The following BCAR3 variants were observed in gnomAD, a reference collection of about 807,000 sequenced individuals.
BCAR3 encodes the protein breast cancer anti-estrogen resistance protein 3.
BCAR3 carries 37 observed loss-of-function variants against 80.1 expected under a neutral mutation model. The observed-to-expected ratio is 0.46, with a 90% CI of 0.36 to 0.61. The LOEUF (loss-of-function observed/expected upper bound fraction) is 0.61. Among genes scored for constraint, BCAR3 ranks in the 20% least tolerant of loss-of-function variants. The pLI, the probability that BCAR3 is intolerant of heterozygous loss-of-function variation, is 0.00. For missense variants in BCAR3, 978 were observed against 1,068.2 expected (o/e 0.92, Z 1.18); for synonymous variants, 389 against 418.9 (o/e 0.93, Z 0.87).
At chr1:93,652,820 C>T (rs766449247) in intron 2 of BCAR3, among the ~76,000 whole-genome samples, 72 of 152,206 alleles carry the variant, frequency 4.7e-4, no homozygotes, top group Non-Finnish European at 6.2e-4. Flanking sequence ...TGGACTCCCT[C>T]ATTATTTTGC....
intron 3 of BCAR3, among the ~76,000 whole-genome samples, chr1:93,641,578 T>C (rs774634940): frequency 5.9e-5 from 9 of 152,222 alleles, no homozygotes; most frequent in Non-Finnish European, 1.3e-4. Context: ...AGGGAAGAAG[T>C]GAAAAGCATC....
rs143001272 is a variant in BCAR3, at chr1:93,610,624, G to A, written c.358-18231C>T. On this transcript the variant is annotated intron_variant, in intron 3 of 11. Coordinates refer to ENST00000260502, the MANE Select transcript of BCAR3 (RefSeq NM_003567.4). ...TACACAATATCATCTTATTTTAGGCGTCAATTGTCTTAATATAGTACAGTA... is the reference window on the plus strand; with the variant it reads ...TACACAATATCATCTTATTTTAGGCATCAATTGTCTTAATATAGTACAGTA... 1.1e-4 allele frequency among the ~76,000 whole-genome samples: 16 copies of A among 152,212 alleles called. No individual in the cohort carries two copies. In the East Asian group the frequency reaches 1.3e-3, roughly 13 times the overall value.
chr1:93,618,924 GTTTT>G (rs796584340), intron 3 of BCAR3, among the ~76,000 whole-genome samples: 2 of 136,034 alleles, frequency 1.5e-5, no homozygotes, highest in African/African-American at 2.7e-5. Context: ...GAAGCCGTGG[GTTTT>G]TTTTTTTTTT....
chr1:93,715,152 T>TTGTTCTTCCCCCCTGC (rs1553167457), intron 2 of BCAR3, among the ~76,000 whole-genome samples: 2 of 152,240 alleles, frequency 1.3e-5, no homozygotes, highest in Non-Finnish European at 2.9e-5. Flanking sequence ...GAACACCTCC[T>TTGTTCTTCCCCCCTGC]TGTTCTTCCC....
At chr1:93,729,635 T>C (rs1324432953) in intron 2 of BCAR3, among the ~76,000 whole-genome samples, 1 of 152,098 alleles carries the variant, frequency 6.6e-6, no homozygotes, top group Non-Finnish European at 1.5e-5. Flanking sequence ...CTTCTCAGAG[T>C]TGTCTGAGAT....
rs144615045 is a variant in BCAR3, at chr1:93,806,050, A to C, written c.-63+39517T>G. On this transcript the variant is annotated intron_variant, in intron 2 of 13. Transcript: ENST00000370244. The stretch of plus-strand genomic sequence containing the variant: ...AAAGAAATGTAAAATATGATTTAAA[A>C]AAAGATAAAAGTTCTAAAGGGGTGA... 4.4e-3 allele frequency among the ~76,000 whole-genome samples: 670 copies of C among 152,314 alleles called. 21 individuals carry two copies. Among genetic ancestry groups the C allele is most frequent in the Admixed American group, 0.042 (640 of 15,298 alleles).
chr1:93,790,510 T>G (rs567491340), intron 2 of BCAR3, among the ~76,000 whole-genome samples: 1 of 152,110 alleles, frequency 6.6e-6, no homozygotes, highest in Non-Finnish European at 1.5e-5. Flanking sequence ...TGGGTTATTC[T>G]GTCCTAAAGG....
chr1:93,646,003 T>C (rs947243083), intron 2 of BCAR3, among the ~76,000 whole-genome samples: 1 of 152,104 alleles, frequency 6.6e-6, no homozygotes, highest in Non-Finnish European at 1.5e-5. Flanking sequence ...ATCTATAAAA[T>C]GTATTTCTAT....
At chr1:93,814,915 T>G (rs981934780) in intron 2 of BCAR3, among the ~76,000 whole-genome samples, 2 of 152,216 alleles carry the variant, frequency 1.3e-5, no homozygotes, top group Non-Finnish European at 2.9e-5. Context: ...GACTTTAGGT[T>G]TCTGTCCACA....
At chr1:93,648,783 C>T (rs3767993) in intron 2 of BCAR3, 4,292 of 152,332 alleles carry the variant, frequency 0.028, 93 homozygotes, top group East Asian at 0.081. Flanking sequence ...CCAGCCAAGA[C>T]GGCCTCTCCC....
At chr1:93,802,740 A>G (rs904851951) in intron 2 of BCAR3, among the ~76,000 whole-genome samples, 1 of 152,196 alleles carries the variant, frequency 6.6e-6, no homozygotes, top group Non-Finnish European at 1.5e-5. Context: ...ACTTCAGACA[A>G]TTTTTGCAGT....
chr1:93,676,588 G>A (rs1433921050), intron 1 of BCAR3, among the ~76,000 whole-genome samples: 1 of 152,130 alleles, frequency 6.6e-6, no homozygotes, highest in Non-Finnish European at 1.5e-5. Flanking sequence ...TCCCAGCTCT[G>A]GCCAGTACCT....
At chr1:93,616,866 C>T (rs949641224) in intron 3 of BCAR3, among the ~76,000 whole-genome samples, 5 of 152,198 alleles carry the variant, frequency 3.3e-5, no homozygotes, top group Non-Finnish European at 2.9e-5. Context: ...TCCCATCCAC[C>T]GCCCTTCTCT....
At chr1:93,770,493 A>G (rs1333834777) in intron 2 of BCAR3, among the ~76,000 whole-genome samples, 1 of 152,158 alleles carries the variant, frequency 6.6e-6, no homozygotes, top group Non-Finnish European at 1.5e-5. Context: ...GGGAGCTCAG[A>G]GGCAAACATT....
At chr1:93,569,601 G>A (rs779211649) in intron 9 of BCAR3, among the ~76,000 whole-genome samples, 1 of 152,260 alleles carries the variant, frequency 6.6e-6, no homozygotes, top group Non-Finnish European at 1.5e-5. Context: ...TATAGTGTAA[G>A]GGCTGGGTTG....
chr1:93,767,153 G>C (rs1376189798), intron 2 of BCAR3, among the ~76,000 whole-genome samples: 1 of 151,950 alleles, frequency 6.6e-6, no homozygotes, highest in African/African-American at 2.4e-5. Flanking sequence ...ACCAAGAACA[G>C]TAGTTATCCA....
chr1:93,648,693 A>C (rs1292839854), intron 2 of BCAR3: 1 of 152,186 alleles, frequency 6.6e-6, no homozygotes, highest in African/African-American at 2.4e-5. Flanking sequence ...CTGACAGCAA[A>C]ACTGAGGACC....
intron 3 of BCAR3, among the ~76,000 whole-genome samples, chr1:93,697,101 G>A (rs1052537484): frequency 2.6e-5 from 4 of 152,246 alleles, no homozygotes; most frequent in African/African-American, 9.6e-5. Context: ...CTCGAGCTCT[G>A]CCCCTCAAAG....
At chr1:93,679,027 G>A (rs577786734) in intron 1 of BCAR3, among the ~76,000 whole-genome samples, 1 of 152,282 alleles carries the variant, frequency 6.6e-6, no homozygotes, top group Non-Finnish European at 1.5e-5. Flanking sequence ...GTATGACTCA[G>A]AACCTAGGCT....
Sources: allele counts gnomAD v4.1 joint callset (sites outside exome capture counted in the v4.1 genomes callset), GRCh38; gene constraint gnomAD v4.1.1; transcripts MANE v1.5; gene names NCBI Gene and HGNC (gene_info 2026-07-23, HGNC 2026-07-21).